Variants in STK3 observed in about 807,000 individuals in gnomAD.
STK3 encodes serine/threonine kinase 3.
A neutral mutation model predicts 58.0 loss-of-function variants in STK3; 41 were observed. That is an observed-to-expected ratio of 0.71 (90% confidence interval 0.55 to 0.92). The LOEUF (loss-of-function observed/expected upper bound fraction) is 0.92, where lower values mean the gene tolerates loss of function less well. STK3 is among the 40% of genes least tolerant of loss of function. The pLI is 0.00. For synonymous variants in STK3, 170 were observed against 191.0 expected (o/e 0.89, Z 0.91); for missense variants, 479 against 602.7 (o/e 0.79, Z 2.15).
intron 10 of STK3, among the ~76,000 whole-genome samples, chr8:98,520,229 G>A (rs559797381): frequency 6.6e-5 from 10 of 151,958 alleles, no homozygotes; most frequent in East Asian, 3.9e-4. Flanking sequence ...ACTTTTTTCC[G>A]GTAGGGTTAA....
intron 3 of STK3, among the ~76,000 whole-genome samples, chr8:98,415,455 C>T (rs138642367): frequency 1.1e-3 from 164 of 152,328 alleles, no homozygotes; most frequent in Admixed American, 2.4e-3. Flanking sequence ...GGCAGCACAT[C>T]ACACAGAAAA....
intron 3 of STK3, among the ~76,000 whole-genome samples, chr8:98,421,302 A>T (rs1818170759): frequency 1.3e-5 from 2 of 152,198 alleles, no homozygotes; most frequent in African/African-American, 4.8e-5. Context: ...CTGGGCCTCA[A>T]CTTCTGCACA....
intron 6 of STK3, among the ~76,000 whole-genome samples, chr8:98,698,481 T>C (rs1431249852): frequency 1.3e-5 from 2 of 152,208 alleles, no homozygotes; most frequent in Non-Finnish European, 1.5e-5. Context: ...CAATTTGGCA[T>C]GATTTTGCAG....
At chr8:98,653,580 C>T (rs1821174107) in intron 6 of STK3, among the ~76,000 whole-genome samples, 1 of 151,846 alleles carries the variant, frequency 6.6e-6, no homozygotes, top group South Asian at 2.1e-4. Flanking sequence ...ATTGATAGAC[C>T]ACTAGCAAGA....
At position 98,838,714 on chromosome 8, in the gene STK3, T is replaced by C. The variant is rs187978535; in HGVS notation, c.110+44933A>G. On this transcript the variant is annotated intron_variant, in intron 3 of 12. Transcript: ENST00000523601. ...TGCCGAGGGAGGAATTGTATGCATATTAACACAGCAAAACTTCCCAAAAAT... is the reference window on the plus strand; with the variant it reads ...TGCCGAGGGAGGAATTGTATGCATACTAACACAGCAAAACTTCCCAAAAAT... 7.2e-4 allele frequency among the ~76,000 whole-genome samples: 110 copies of C among 152,270 alleles called. 1 individual carries two copies. Among genetic ancestry groups the C allele is most frequent in the Middle Eastern group, 6.8e-3 (2 of 294 alleles).
upstream of STK3, among the ~76,000 whole-genome samples, chr8:98,391,007 A>G (rs776536207): frequency 2.6e-5 from 4 of 152,154 alleles, no homozygotes; most frequent in Non-Finnish European, 4.4e-5. Context: ...TTGTCAGATA[A>G]TTCTAACTCT....
At chr8:98,414,310 C>A (rs1302771107) in intron 3 of STK3, among the ~76,000 whole-genome samples, 1 of 152,020 alleles carries the variant, frequency 6.6e-6, no homozygotes, top group African/African-American at 2.4e-5. Flanking sequence ...ATTTCGACAC[C>A]AGAATAGGGT....
At chr8:98,656,011 T>C (rs999021263) in intron 6 of STK3, among the ~76,000 whole-genome samples, 1 of 150,814 alleles carries the variant, frequency 6.6e-6, no homozygotes, top group African/African-American at 2.4e-5. Flanking sequence ...CTATAAATCA[T>C]GTTGCTATAA....
chr8:98,677,801 T>G (rs1823336946), intron 6 of STK3, among the ~76,000 whole-genome samples: 1 of 152,192 alleles, frequency 6.6e-6, no homozygotes, highest in Non-Finnish European at 1.5e-5. Flanking sequence ...ACTTTTCTTC[T>G]CAAAACTTCG....
chr8:98,893,447 AAAG>A (rs1838290982), intron 1 of STK3, among the ~76,000 whole-genome samples: 4 of 96,922 alleles, frequency 4.1e-5, no homozygotes, highest in Admixed American at 1.1e-4. Context: ...AGAAAGAAAG[AAAG>A]AAAGAAAGAA....
intron 3 of STK3, among the ~76,000 whole-genome samples, chr8:98,878,416 T>C (rs1401016644): frequency 2.0e-5 from 3 of 152,208 alleles, no homozygotes; most frequent in African/African-American, 7.2e-5. Context: ...AGCAACCTTT[T>C]TGGATTAACT....
chr8:98,927,407 T>C (rs1387209982), intron 1 of STK3, among the ~76,000 whole-genome samples: 1 of 152,176 alleles, frequency 6.6e-6, no homozygotes, highest in Non-Finnish European at 1.5e-5. Context: ...ATTCCTTTAT[T>C]CCCCAACCTA....
chr8:98,378,348 T>G (rs937263943), intron 2 of STK3, among the ~76,000 whole-genome samples: 2 of 152,334 alleles, frequency 1.3e-5, no homozygotes, highest in East Asian at 3.9e-4. Flanking sequence ...CAGAACACTC[T>G]ACTTGCCTCT....
chr8:98,927,186 C>T (rs1405706610), intron 1 of STK3, among the ~76,000 whole-genome samples: 2 of 152,240 alleles, frequency 1.3e-5, no homozygotes, highest in Non-Finnish European at 2.9e-5. Context: ...TGAGATCATG[C>T]TGGCAATCCA....
chr8:98,940,261 T>C (rs1015366087), intron 1 of STK3, among the ~76,000 whole-genome samples: 1 of 152,182 alleles, frequency 6.6e-6, no homozygotes, highest in African/African-American at 2.4e-5. Flanking sequence ...CGCGGAGGCA[T>C]CTTGCGACTA....
intron 6 of STK3, among the ~76,000 whole-genome samples, chr8:98,656,979 G>A (rs1403098176): frequency 1.3e-5 from 2 of 151,934 alleles, no homozygotes; most frequent in Non-Finnish European, 2.9e-5. Context: ...ATTACTCTAC[G>A]TAATACAGAT....
At chr8:98,540,768 G>A (rs1426915402) in intron 9 of STK3, among the ~76,000 whole-genome samples, 1 of 150,298 alleles carries the variant, frequency 6.7e-6, no homozygotes. Context: ...AGAGTTCTGG[G>A]TAAGTGCACT....
chr8:98,458,441 TATTA>T (rs960514089), intron 10 of STK3, among the ~76,000 whole-genome samples: 12 of 152,172 alleles, frequency 7.9e-5, no homozygotes, highest in Non-Finnish European at 1.8e-4. Context: ...CTATTATTAT[TATTA>T]ATTATTTTAC....
At chr8:98,352,719 C>A in the STK3 span, among the ~76,000 whole-genome samples, 325 of 152,272 alleles carry the variant, frequency 2.1e-3, 1 homozygote, top group African/African-American at 7.2e-3. Flanking sequence ...TCATCCCTAG[C>A]AGACCTATAT....
Sources: allele counts gnomAD v4.1 joint callset (sites outside exome capture counted in the v4.1 genomes callset), GRCh38; gene constraint gnomAD v4.1.1; transcripts MANE v1.5; gene names NCBI Gene and HGNC (gene_info 2026-07-23, HGNC 2026-07-21).